UGDH: variants seen among roughly 807,000 people sequenced by gnomAD.
UGDH encodes the protein UDP-glucose 6-dehydrogenase.
A neutral mutation model predicts 50.6 loss-of-function variants in UGDH; 38 were observed. The observed-to-expected ratio is 0.75, with a 90% CI of 0.58 to 0.98. UGDH has a LOEUF of 0.98. UGDH is among the 50% of genes least tolerant of loss of function. The pLI is 0.00. For synonymous variants in UGDH, 168 were observed against 199.9 expected, an observed-to-expected ratio of 0.84 and a Z score of 1.35; for missense variants, 465 against 606.2, an observed-to-expected ratio of 0.77 and a Z score of 2.45.
intron 1 of UGDH, among the ~76,000 whole-genome samples, chr4:39,525,253 G>T (rs960898351): frequency 2.0e-5 from 3 of 152,194 alleles, no homozygotes; most frequent in African/African-American, 7.2e-5. Context: ...GAGTGCAGTG[G>T]CACCATGTCG....
At chr4:39,512,319 T>G (rs1246790756) in intron 3 of UGDH, among the ~76,000 whole-genome samples, 3 of 152,084 alleles carry the variant, frequency 2.0e-5, no homozygotes, top group Non-Finnish European at 2.9e-5. Flanking sequence ...AGGAATCAAG[T>G]GAAAATAAAT....
chr4:39,514,656 C>A (rs1302121118), intron 2 of UGDH, among the ~76,000 whole-genome samples: 1 of 151,120 alleles, frequency 6.6e-6, no homozygotes, highest in Non-Finnish European at 1.5e-5. Context: ...TAGGAGTGAG[C>A]CACCATGCCC....
At chr4:39,517,263 C>T (rs796875773) in intron 2 of UGDH, among the ~76,000 whole-genome samples, 28 of 148,962 alleles carry the variant, frequency 1.9e-4, no homozygotes, top group South Asian at 6.4e-4. Context: ...AGTGCAGTGG[C>T]GCGATCTCGG....
At chr4:39,521,026 C>A (rs1172066291) in intron 2 of UGDH, among the ~76,000 whole-genome samples, 1 of 144,604 alleles carries the variant, frequency 6.9e-6, no homozygotes, top group African/African-American at 2.6e-5. Flanking sequence ...GCTGAGCTCG[C>A]GTCATTGCAC....
At chr4:39,511,265 C>CT (rs200878844) in intron 3 of UGDH, among the ~76,000 whole-genome samples, 29,827 of 141,540 alleles carry the variant, frequency 0.21, 4,749 homozygotes, top group African/African-American at 0.43. Flanking sequence ...GTTTTAAAGT[C>CT]TTTTTTTTTT....
Position 39,510,745 on chromosome 4 carries a change from A to G in UGDH, c.381T>C (p.Thr127=), listed in dbSNP as rs772803917. The G allele has an allele frequency of 6.2e-7, 1 of 1,614,214 alleles. No homozygotes were observed. The highest frequency in any genetic ancestry group is 1.1e-5 in the South Asian group (1 of 91,086). Reference sequence around the variant, plus strand: ...CCCGCACTGGAACTGTGCTTTTCTCAGTCACAATTTTGTACCCATTTGAGT... The same window carrying G: ...CCCGCACTGGAACTGTGCTTTTCTCGGTCACAATTTTGTACCCATTTGAGT... The part of the protein sequence containing the change: ...VQNSNGYKIV[T]EKSTVPVRAA... Residue 127 remains threonine (T), a synonymous_variant, in exon 4 of 12, where the codon ACT becomes ACC. Coordinates refer to ENST00000316423, the MANE Select transcript of UGDH (RefSeq NM_003359.4).
At chr4:39,503,386 T>C (rs1029898995) in intron 11 of UGDH, among the ~76,000 whole-genome samples, 3 of 152,158 alleles carry the variant, frequency 2.0e-5, no homozygotes, top group African/African-American at 4.8e-5. Context: ...GCCAGTACCA[T>C]TGAAACTCCC....
chr4:39,505,570 G>C, intron 8 of UGDH, 48 bp downstream of exon 8: 2 of 1,512,734 alleles, frequency 1.3e-6, no homozygotes, highest in Non-Finnish European at 1.8e-6. Context: ...TTAAGATGAG[G>C]AGTTAACACA....
intron 1 of UGDH, among the ~76,000 whole-genome samples, chr4:39,523,994 A>G (rs1746777476): frequency 6.6e-6 from 1 of 152,160 alleles, no homozygotes; most frequent in African/African-American, 2.4e-5. Flanking sequence ...GTAAATATAC[A>G]TATATATTCT....
Position 39,510,477 on chromosome 4 carries a change from A to G in UGDH, c.539T>C (p.Ile180Thr), listed in dbSNP as rs768014546. The change falls in exon 5 of 12, where the codon ATT (isoleucine) becomes ACT (threonine). Residue 180 changes from isoleucine (I) to threonine (T), a missense_variant. Transcript: ENST00000316423. ...KDLKNPDRVLIGGDETPEGQR... is the reference protein window; with the variant it reads ...KDLKNPDRVLTGGDETPEGQR... ...GCCCTCTGGAGTTTCATCCCCTCCA[A>G]TCAGTACTCTGTCTGGGTTCTTTAG... is the stretch of plus-strand genomic sequence containing the variant. The G allele has an allele frequency of 1.9e-6, 3 of 1,614,152 alleles. No individual in the cohort carries two copies. The highest frequency in any genetic ancestry group is 4.5e-5 in the East Asian group (2 of 44,890).
chr4:39,517,783 C>A (rs1056504731), intron 2 of UGDH, among the ~76,000 whole-genome samples: 2 of 152,168 alleles, frequency 1.3e-5, no homozygotes, highest in South Asian at 2.1e-4. Context: ...TGGAATTATA[C>A]GGTATGTACT....
intron 2 of UGDH, among the ~76,000 whole-genome samples, chr4:39,516,061 G>A (rs1006626854): frequency 6.6e-5 from 10 of 152,152 alleles, no homozygotes; most frequent in Admixed American, 5.2e-4. Flanking sequence ...GATACTGGTT[G>A]AAGCACAACT....
At chr4:39,500,330 G>T in intron 11 of UGDH, 77 bp from the exon 12 acceptor site, 1 of 874,390 alleles carries the variant, frequency 1.1e-6, no homozygotes, top group Non-Finnish European at 1.7e-6. Context: ...TGAAATGGGA[G>T]CAGGGGGAAT....
chr4:39,514,313 A>T (rs1443368938), intron 2 of UGDH, 129 bp from the exon 3 acceptor site: 1 of 753,504 alleles, frequency 1.3e-6, no homozygotes, highest in East Asian at 2.8e-5. Context: ...TTGTGCTCAA[A>T]TTACCTTTGT....
In UGDH at chr4:39,503,928, C is replaced by T; in HGVS notation, c.1321G>A (p.Gly441Arg). ...KMLKPAFIFD[G>R]RRVLDGLHNE... ...TGGAGCCCATCCAGGACACGCCGTC[C>T]ATCGAAGATAAAGGCTGGCTTTAGC... The change falls in exon 11 of 12, where the codon GGA (glycine) becomes AGA (arginine). Residue 441 changes from glycine (G) to arginine (R), a missense_variant. Physicochemically the swap from Gly to Arg is moderately radical, Grantham distance 125. Transcript: ENST00000316423. 1 of 1,614,172 alleles carries T rather than the reference C, an allele frequency of 6.2e-7. No individual in the cohort carries two copies. Among genetic ancestry groups the T allele is most frequent in the Non-Finnish European group, 8.5e-7 (1 of 1,180,030 alleles).
chr4:39,500,620 T>TA (rs904076642), intron 11 of UGDH, among the ~76,000 whole-genome samples: 5 of 151,512 alleles, frequency 3.3e-5, no homozygotes, highest in Non-Finnish European at 5.9e-5. Flanking sequence ...TCCCTTGTAC[T>TA]AAAAAACCTG....
Position 39,523,003 on chromosome 4 carries a change from C to A in UGDH, c.-7-1484G>T, listed in dbSNP as rs965865895. Among the ~76,000 whole-genome samples the A allele has an allele frequency of 5.0e-4, 76 of 151,924 alleles. 1 individual carries two copies. Among genetic ancestry groups the A allele is most frequent in the Non-Finnish European group, 8.4e-4 (57 of 67,974 alleles). On this transcript the variant is annotated intron_variant, in intron 1 of 11. Transcript: ENST00000316423. ...GTCTGGATTTCTTGACCTCGTGATC[C>A]ACCCGCCTCAGCCTCCAAAAGTGCT...
intron 1 of UGDH, among the ~76,000 whole-genome samples, chr4:39,523,200 T>C (rs533530322): frequency 6.6e-6 from 1 of 152,194 alleles, no homozygotes; most frequent in Non-Finnish European, 1.5e-5. Context: ...TACAGGTGCA[T>C]GCCACCACAC....
chr4:39,527,437 C>T lies in UGDH; in HGVS notation c.-162G>A. 4.3e-6 allele frequency: 1 copy of T among 231,104 alleles called. No homozygotes were observed. The highest frequency in any genetic ancestry group is 8.9e-6 in the Non-Finnish European group (1 of 112,674). The allele number at this position is 231,104 out of a possible 1,614,324, so 14.3% of individuals were successfully genotyped here. On this transcript the variant is annotated 5_prime_UTR_variant, in exon 1 of 12. Transcript: ENST00000316423. Reference sequence around the variant, plus strand: ...CCCTCCCTCAGGCTGCCACGCGTTACACTCTGAGTCCCGGGCCTGAGCCCG... The same window carrying T: ...CCCTCCCTCAGGCTGCCACGCGTTATACTCTGAGTCCCGGGCCTGAGCCCG...
Sources: gnomAD v4.1 joint callset for allele counts (sites outside exome capture counted in the v4.1 genomes callset) on GRCh38, gnomAD v4.1.1 for gene constraint, MANE v1.5 for transcripts, NCBI Gene and HGNC (gene_info 2026-07-23, HGNC 2026-07-21) for gene names.